Variants in ZNF365 observed in about 807,000 individuals in gnomAD.
ZNF365 encodes protein ZNF365.
ZNF365 carries 22 observed loss-of-function variants against 35.0 expected under a neutral mutation model. The ratio of observed to expected loss-of-function variants is 0.63; its 90% CI spans 0.45 to 0.90. The LOEUF (loss-of-function observed/expected upper bound fraction) is 0.90, where lower values mean the gene tolerates loss of function less well. Among genes scored for constraint, ZNF365 ranks in the 40% least tolerant of loss-of-function variants. The pLI is 0.00. For synonymous variants in ZNF365, 188 were observed against 196.2 expected, an observed-to-expected ratio of 0.96 and a Z score of 0.35; for missense variants, 448 against 500.3, an observed-to-expected ratio of 0.90 and a Z score of 1.00.
intron 2 of ZNF365, among the ~76,000 whole-genome samples, chr10:62,387,758 A>ATG (rs1365487016): frequency 6.6e-6 from 1 of 152,006 alleles, no homozygotes; most frequent in African/African-American, 2.4e-5. Flanking sequence ...GACTCATTTG[A>ATG]TGTGCTGTTT....
At chr10:62,459,545 G>A (rs1840813628) in intron 3 of ZNF365, among the ~76,000 whole-genome samples, 1 of 152,208 alleles carries the variant, frequency 6.6e-6, no homozygotes, top group South Asian at 2.1e-4. Flanking sequence ...AACTCTGAAT[G>A]CAATAAAAAG....
intron 4 of ZNF365, among the ~76,000 whole-genome samples, chr10:62,468,313 T>A (rs1238217647): frequency 6.6e-6 from 1 of 152,216 alleles, no homozygotes; most frequent in Non-Finnish European, 1.5e-5. Context: ...ATGTATGTAT[T>A]ATGAATATAT....
intron 3 of ZNF365, among the ~76,000 whole-genome samples, chr10:62,458,554 A>T (rs147038393): frequency 2.0e-3 from 297 of 152,150 alleles, no homozygotes; most frequent in South Asian, 1.5e-3. Context: ...GTGCATGCAC[A>T]TGTGTTTTTT....
chr10:62,380,032 T>A (rs984959382), intron 2 of ZNF365, among the ~76,000 whole-genome samples: 1 of 152,264 alleles, frequency 6.6e-6, no homozygotes, highest in African/African-American at 2.4e-5. Context: ...AAGCTTCTTT[T>A]GCTTATGGAT....
chr10:62,395,504 A>ATTTTTTTTTTTTTTTT (rs67866839), intron 3 of ZNF365, among the ~76,000 whole-genome samples: 1 of 98,466 alleles, frequency 1.0e-5, no homozygotes. Context: ...CACCCGGCTA[A>ATTTTTTTTTTTTTTTT]TTTTTTTTTT....
chr10:62,429,230 T>G (rs1424332212), intron 3 of ZNF365, among the ~76,000 whole-genome samples: 1 of 152,214 alleles, frequency 6.6e-6, no homozygotes, highest in African/African-American at 2.4e-5. Flanking sequence ...TGTCTAATAG[T>G]GTATGCCCTA....
At chr10:62,395,139 G>C (rs1230790455) in intron 3 of ZNF365, among the ~76,000 whole-genome samples, 1 of 152,096 alleles carries the variant, frequency 6.6e-6, no homozygotes, top group African/African-American at 2.4e-5. Context: ...ACTAAGCTGG[G>C]CCAAAGATAT....
intron 3 of ZNF365, among the ~76,000 whole-genome samples, chr10:62,459,111 T>C (rs773513765): frequency 6.6e-6 from 1 of 152,228 alleles, no homozygotes; most frequent in Non-Finnish European, 1.5e-5. Flanking sequence ...ATTCAAAATA[T>C]ATGGTTCTAC....
chr10:62,473,843 A>G (rs1028995324), intron 4 of ZNF365, among the ~76,000 whole-genome samples: 7 of 152,220 alleles, frequency 4.6e-5, no homozygotes, highest in Non-Finnish European at 7.3e-5. Flanking sequence ...CAAGAACTCC[A>G]GAGGTTGGTA....
At chr10:62,461,795 AT>A (rs1840851864) in intron 4 of ZNF365, among the ~76,000 whole-genome samples, 1 of 152,250 alleles carries the variant, frequency 6.6e-6, no homozygotes, top group Non-Finnish European at 1.5e-5. Flanking sequence ...AGGGAAAAAA[AT>A]CTTACAAAAA....
chr10:62,427,612 T>C (rs948900585), intron 3 of ZNF365, among the ~76,000 whole-genome samples: 2 of 152,216 alleles, frequency 1.3e-5, no homozygotes, highest in African/African-American at 4.8e-5. Flanking sequence ...TTTTGCCAAA[T>C]ATACCCCTTA....
At chr10:62,442,184 A>G (rs975929778) in intron 3 of ZNF365, among the ~76,000 whole-genome samples, 11 of 152,220 alleles carry the variant, frequency 7.2e-5, no homozygotes, top group African/African-American at 2.7e-4. Context: ...GGATCTTTAA[A>G]TAGCAAGGAA....
intron 3 of ZNF365, among the ~76,000 whole-genome samples, chr10:62,416,907 T>A (rs1390967659): frequency 1.3e-5 from 2 of 152,008 alleles, no homozygotes; most frequent in African/African-American, 4.8e-5. Flanking sequence ...TTAACCTGTA[T>A]TACTATAATT....
At chr10:62,406,058 A>G (rs1182447799), downstream of ZNF365, among the ~76,000 whole-genome samples, 1 of 152,206 alleles carries the variant, frequency 6.6e-6, no homozygotes, top group Non-Finnish European at 1.5e-5. Flanking sequence ...TAAGGGCAAG[A>G]GGAGTGGACA....
At chr10:62,480,127 G>A (rs1841199847) in exon 5 of ZNF365, 1 of 1,331,682 alleles carries the variant, frequency 7.5e-7, no homozygotes, top group South Asian at 1.8e-5. Context: ...ACTTCCTGAG[G>A]GCACAGCCCA....
intron 4 of ZNF365, among the ~76,000 whole-genome samples, chr10:62,475,923 G>A (rs1841123350): frequency 6.6e-6 from 1 of 152,120 alleles, no homozygotes; most frequent in South Asian, 2.1e-4. Flanking sequence ...ACTTCAATTT[G>A]ATTTGTATTT....
rs1840101257 is a variant in ZNF365 at position 62,417,976 on chromosome 10, G to A, written c.924+29400G>A. ...GGGAGTGAGAGAACAGGAAGGAGGGGACAAGAATGGAACTAAGACTTTAAA... is the reference window on the plus strand; with the variant it reads ...GGGAGTGAGAGAACAGGAAGGAGGGAACAAGAATGGAACTAAGACTTTAAA... On this transcript the variant is annotated intron_variant, in intron 3 of 4. Coordinates refer to the ZNF365 transcript ENST00000395255. Among the ~76,000 whole-genome samples the A allele has an allele frequency of 2.0e-5, 3 of 151,882 alleles. No individual in the cohort carries two copies. The South Asian group carries it at 6.2e-4, about 32-fold the overall frequency.
chr10:62,410,650 G>T (rs1164615362), intron 3 of ZNF365, among the ~76,000 whole-genome samples: 1 of 152,048 alleles, frequency 6.6e-6, no homozygotes, highest in African/African-American at 2.4e-5. Context: ...GTTTGATGAG[G>T]ATAATGGCTT....
At chr10:62,379,187 T>A (rs1246238490) in intron 2 of ZNF365, among the ~76,000 whole-genome samples, 1 of 152,028 alleles carries the variant, frequency 6.6e-6, no homozygotes, top group Non-Finnish European at 1.5e-5. Context: ...TGCACCCAGC[T>A]ATTTTTTTGT....
Sources: gnomAD v4.1 joint callset for allele counts (sites outside exome capture counted in the v4.1 genomes callset) on GRCh38, gnomAD v4.1.1 for gene constraint, MANE v1.5 for transcripts, NCBI Gene and HGNC (gene_info 2026-07-23, HGNC 2026-07-21) for gene names.